The following GCH1 variants were observed in gnomAD, a reference collection of about 807,000 sequenced individuals.
GCH1 encodes the protein GTP cyclohydrolase 1.
GCH1 carries 5 observed loss-of-function variants against 25.9 expected under a neutral mutation model. The observed-to-expected ratio is 0.19, with a 90% CI of 0.10 to 0.41. The LOEUF is 0.41. GCH1 is among the 10% of genes least tolerant of loss of function. The pLI is 1.00. For missense variants in GCH1, 261 were observed against 336.5 expected (o/e 0.78, Z 1.75); for synonymous variants, 159 against 129.6 (o/e 1.23, Z -1.54).
rs58829238 is a variant in GCH1, at chr14:54,849,425, C to A, written c.510-2295G>T. Among the ~76,000 whole-genome samples, 968 of 152,316 alleles carry A rather than the reference C, an allele frequency of 6.4e-3. 8 individuals are homozygous for A. The highest frequency in any genetic ancestry group is 0.022 in the African/African-American group (898 of 41,572). On this transcript the variant is annotated intron_variant, in intron 3 of 5. Transcript: ENST00000491895. ...CTGGGAACCGAATTCTAGTTTGACA[C>A]TGATATCTATCTTGCCCTTCAGTAT...
In GCH1 at chr14:54,843,877, T is replaced by C; in HGVS notation, c.*140A>G. 1 of 1,607,344 alleles carries C rather than the reference T, an allele frequency of 6.2e-7. No homozygotes were observed. On this transcript the variant is annotated 3_prime_UTR_variant, in exon 6 of 6. Coordinates refer to ENST00000491895, the MANE Select transcript of GCH1 (RefSeq NM_000161.3). Reference sequence around the variant, plus strand: ...TTATATTTATTTGACTTCCTAGAAATAATTTTAAATATAATTAGTGACAAG... The same window carrying C: ...TTATATTTATTTGACTTCCTAGAAACAATTTTAAATATAATTAGTGACAAG...
intron 1 of GCH1, among the ~76,000 whole-genome samples, chr14:54,883,825 C>T (rs1331334603): frequency 6.6e-6 from 1 of 152,076 alleles, no homozygotes; most frequent in African/African-American, 2.4e-5. Flanking sequence ...ACTATGAGGC[C>T]TGGGGCAGGG....
intron 1 of GCH1, among the ~76,000 whole-genome samples, chr14:54,879,122 G>A (rs912471232): frequency 6.6e-6 from 1 of 151,994 alleles, no homozygotes; most frequent in Admixed American, 6.6e-5. Context: ...TGCAGCCAAG[G>A]GAACATAAGA....
intron 1 of GCH1, among the ~76,000 whole-genome samples, chr14:54,883,592 T>C (rs1282686326): frequency 1.3e-5 from 2 of 151,880 alleles, no homozygotes; most frequent in Admixed American, 1.3e-4. Context: ...GGCAGGAGAA[T>C]GGAGTGAACC....
rs1295711016 is a variant in GCH1 at position 54,887,702 on chromosome 14, A to G, written c.343+14619T>C. On this transcript the variant is annotated intron_variant, in intron 1 of 5. Coordinates refer to ENST00000491895, the MANE Select transcript of GCH1 (RefSeq NM_000161.3). The stretch of plus-strand genomic sequence containing the variant: ...CTAAGGGTGGTGTAAATCATTAAGA[A>G]AAACGCTTTTTAGGGTGACATTTCA... Among the ~76,000 whole-genome samples, 3 of 152,234 alleles carry G rather than the reference A, an allele frequency of 2.0e-5. No homozygotes were observed. The East Asian group carries it at 5.8e-4, about 29-fold the overall frequency.
intron 1 of GCH1, among the ~76,000 whole-genome samples, chr14:54,873,920 G>A (rs1208058268): frequency 6.6e-6 from 1 of 152,198 alleles, no homozygotes; most frequent in African/African-American, 2.4e-5. Flanking sequence ...GACATATAAG[G>A]AGGAGCTGGT....
At chr14:54,848,904 T>A (rs544185627) in intron 3 of GCH1, among the ~76,000 whole-genome samples, 14 of 152,382 alleles carry the variant, frequency 9.2e-5, no homozygotes, top group African/African-American at 3.4e-4. Flanking sequence ...CTGTATATAT[T>A]ACTTCTGATA....
chr14:54,883,204 T>G (rs1188151872), intron 1 of GCH1, among the ~76,000 whole-genome samples: 3 of 149,764 alleles, frequency 2.0e-5, no homozygotes, highest in Non-Finnish European at 4.4e-5. Flanking sequence ...AAACCCCATC[T>G]CTACTAAAAG....
chr14:54,865,054 AAG>A (rs113113905), intron 2 of GCH1, among the ~76,000 whole-genome samples: 70 of 149,128 alleles, frequency 4.7e-4, no homozygotes, highest in African/African-American at 1.7e-3. Flanking sequence ...AAAAAAAAAA[AAG>A]AGAGAGAGAG....
intron 3 of GCH1, among the ~76,000 whole-genome samples, chr14:54,849,184 G>T (rs749800685): frequency 6.6e-6 from 1 of 152,212 alleles, no homozygotes; most frequent in South Asian, 2.1e-4. Context: ...TTTTTACTGA[G>T]TGCCTGCTAT....
chr14:54,868,968 G>A (rs1352880307), intron 1 of GCH1, among the ~76,000 whole-genome samples: 1 of 151,874 alleles, frequency 6.6e-6, no homozygotes, highest in Admixed American at 6.6e-5. Flanking sequence ...TAAACTCCAC[G>A]GCTCAAGCCA....
At chr14:54,858,273 T>C (rs2039842454) in intron 3 of GCH1, among the ~76,000 whole-genome samples, 2 of 152,036 alleles carry the variant, frequency 1.3e-5, no homozygotes, top group Non-Finnish European at 2.9e-5. Flanking sequence ...CAGAGACTCA[T>C]TTATTCCTCT....
chr14:54,883,348 G>T, intron 1 of GCH1, among the ~76,000 whole-genome samples: 1 of 138,438 alleles, frequency 7.2e-6, no homozygotes, highest in Non-Finnish European at 1.5e-5. Flanking sequence ...CTCTAGCCTG[G>T]GCGACAGAGT....
chr14:54,853,127 C>A (rs1482957413), intron 3 of GCH1, among the ~76,000 whole-genome samples: 2 of 152,124 alleles, frequency 1.3e-5, no homozygotes, highest in Non-Finnish European at 2.9e-5. Flanking sequence ...CCATGCCCAG[C>A]TAATTTTTGT....
intron 3 of GCH1, among the ~76,000 whole-genome samples, chr14:54,847,680 A>G (rs1432205659): frequency 3.3e-5 from 5 of 151,764 alleles, no homozygotes; most frequent in Non-Finnish European, 7.4e-5. Context: ...ATATATATAT[A>G]TATCTCCTAT....
intron 1 of GCH1, among the ~76,000 whole-genome samples, chr14:54,878,410 G>A (rs570469378): frequency 6.6e-6 from 1 of 152,348 alleles, no homozygotes; most frequent in East Asian, 1.9e-4. Flanking sequence ...GAGACAGAGA[G>A]AAGTGCCTAG....
At position 54,902,466 on chromosome 14, in the gene GCH1, C is replaced by T; in HGVS notation, c.198G>A (p.Leu66=). ...AGGCGGCTGCCAGGTTAGGGAGGTT[C>T]AGCTCGTTATCCTCCTCGCTGCGGG... is the stretch of plus-strand genomic sequence containing the variant. The part of the protein sequence containing the change: ...ERPRSEEDNE[L]NLPNLAAAYS... Residue 66 remains leucine, a synonymous_variant, in exon 1 of 6, where the codon CTG becomes CTA. Coordinates refer to ENST00000491895, the MANE Select transcript of GCH1 (RefSeq NM_000161.3). 6.2e-7 allele frequency: 1 copy of T among 1,612,476 alleles called. No individual in the cohort carries two copies. Among genetic ancestry groups the T allele is most frequent in the Non-Finnish European group, 8.5e-7 (1 of 1,179,664 alleles).
At chr14:54,894,522 A>T (rs370834679) in intron 1 of GCH1, among the ~76,000 whole-genome samples, 32 of 152,294 alleles carry the variant, frequency 2.1e-4, no homozygotes, top group East Asian at 1.7e-3. Flanking sequence ...GTACTGTGTG[A>T]TAGCAGCCCT....
At position 54,847,099 on chromosome 14, in the gene GCH1, C is replaced by T; in HGVS notation, c.541G>A (p.Val181Ile). ...IVEIYSRRLQ[V>I]QERLTKQIAV... is the part of the protein sequence containing the mutation. ...GTTAATACAGATTTTTAAAGCTTAC[C>T]TTGTAGTCTTCTACTATAGATTTCT... is the stretch of plus-strand genomic sequence containing the variant. Residue 181 changes from valine to isoleucine, a missense_variant and splice_region_variant, in exon 4 of 6, where the codon GTT becomes ATT. Transcript: ENST00000491895. 1 of 964,834 alleles carries T rather than the reference C, an allele frequency of 1.0e-6. No homozygotes were observed. The allele number at this position is 964,834 out of a possible 1,614,324, so 59.8% of individuals were successfully genotyped here.
Sources: allele counts gnomAD v4.1 joint callset (sites outside exome capture counted in the v4.1 genomes callset), GRCh38; gene constraint gnomAD v4.1.1; transcripts MANE v1.5; gene names NCBI Gene and HGNC (gene_info 2026-07-23, HGNC 2026-07-21).